ROBO2: variants seen among roughly 807,000 people sequenced by gnomAD.
The protein encoded by ROBO2 is roundabout guidance receptor 2.
Under a neutral mutation model 160.8 loss-of-function variants are expected in ROBO2, and 53 were observed. The ratio of observed to expected loss-of-function variants is 0.33; its 90% CI spans 0.26 to 0.41. The LOEUF (loss-of-function observed/expected upper bound fraction) is 0.41. Among genes scored for constraint, ROBO2 ranks in the 10% least tolerant of loss-of-function variants. ROBO2 has a pLI of 1.00. For missense variants in ROBO2, 1,577 were observed against 1,722.4 expected (o/e 0.92, Z 1.49); for synonymous variants, 664 against 611.7 (o/e 1.09, Z -1.26).
chr3:76,899,599 T>A (rs1293369735), intron 2 of ROBO2, among the ~76,000 whole-genome samples: 5 of 152,162 alleles, frequency 3.3e-5, no homozygotes, highest in African/African-American at 9.7e-5. Context: ...TATGGACTTG[T>A]CGTCTATTTA....
At chr3:76,060,985 C>T (rs1448188738) in intron 2 of ROBO2, among the ~76,000 whole-genome samples, 1 of 152,116 alleles carries the variant, frequency 6.6e-6, no homozygotes, top group Non-Finnish European at 1.5e-5. Context: ...TACAGTTTCA[C>T]CCCAAGAACA....
At chr3:77,342,368 G>C (rs1458625818) in intron 2 of ROBO2, among the ~76,000 whole-genome samples, 1 of 152,130 alleles carries the variant, frequency 6.6e-6, no homozygotes, top group Non-Finnish European at 1.5e-5. Flanking sequence ...TGGATTGAAA[G>C]TGCAGTGTGG....
At chr3:77,245,952 A>G (rs1451996718) in intron 2 of ROBO2, among the ~76,000 whole-genome samples, 1 of 152,236 alleles carries the variant, frequency 6.6e-6, no homozygotes, top group Non-Finnish European at 1.5e-5. Flanking sequence ...TATTGTAATA[A>G]CTAAGATAAG....
intron 2 of ROBO2, among the ~76,000 whole-genome samples, chr3:76,763,660 G>A (rs2608159): frequency 0.84 from 126,877 of 151,338 alleles, 53,279 homozygotes; most frequent in Admixed American, 0.86. Context: ...TCTCTACTAC[G>A]GCTTTGAAAG....
At chr3:76,230,335 T>C (rs1371051948) in intron 2 of ROBO2, among the ~76,000 whole-genome samples, 1 of 152,150 alleles carries the variant, frequency 6.6e-6, no homozygotes, top group Admixed American at 6.6e-5. Context: ...AAAATGGCTT[T>C]CCTTTACATA....
At chr3:77,224,784 AG>A (rs753865158) in intron 2 of ROBO2, among the ~76,000 whole-genome samples, 19 of 151,898 alleles carry the variant, frequency 1.3e-4, no homozygotes, top group Non-Finnish European at 1.9e-4. Flanking sequence ...GAATCTTGAT[AG>A]TTTGAATTTC....
At chr3:76,357,363 A>G (rs142290805) in intron 2 of ROBO2, among the ~76,000 whole-genome samples, 1 of 152,112 alleles carries the variant, frequency 6.6e-6, no homozygotes, top group East Asian at 1.9e-4. Context: ...CTACTCAGCA[A>G]TACAAAAGAA....
chr3:76,487,536 G>A (rs2079563801), intron 2 of ROBO2, among the ~76,000 whole-genome samples: 1 of 152,144 alleles, frequency 6.6e-6, no homozygotes, highest in African/African-American at 2.4e-5. Context: ...AGATTTTAAA[G>A]TAAGCCTAGT....
At chr3:76,151,614 G>A (rs1366464179) in intron 2 of ROBO2, among the ~76,000 whole-genome samples, 1 of 152,100 alleles carries the variant, frequency 6.6e-6, no homozygotes, top group Non-Finnish European at 1.5e-5. Context: ...GTTGAAAATT[G>A]TAAATCCCCC....
chr3:77,513,674 T>G (rs1450003725), intron 5 of ROBO2, among the ~76,000 whole-genome samples: 2 of 151,808 alleles, frequency 1.3e-5, no homozygotes, highest in Non-Finnish European at 1.5e-5. Flanking sequence ...GCTGAACAGA[T>G]GGTAATGATT....
At chr3:76,221,880 G>A (rs1703990968) in intron 2 of ROBO2, among the ~76,000 whole-genome samples, 1 of 152,100 alleles carries the variant, frequency 6.6e-6, no homozygotes, top group South Asian at 2.1e-4. Context: ...ACCCACGGAA[G>A]ACAAATCCAT....
At chr3:76,664,585 G>A (rs1021756564) in intron 2 of ROBO2, among the ~76,000 whole-genome samples, 9 of 152,094 alleles carry the variant, frequency 5.9e-5, no homozygotes, top group African/African-American at 1.7e-4. Context: ...TTTGTTATGC[G>A]TTTGGAAAAC....
intron 2 of ROBO2, among the ~76,000 whole-genome samples, chr3:76,957,640 G>T (rs2079363984): frequency 6.6e-6 from 1 of 151,882 alleles, no homozygotes; most frequent in South Asian, 2.1e-4. Flanking sequence ...AGACCAACCT[G>T]ACCAACATGA....
chr3:76,252,462 A>T (rs902237881), intron 2 of ROBO2, among the ~76,000 whole-genome samples: 1 of 152,080 alleles, frequency 6.6e-6, no homozygotes, highest in African/African-American at 2.4e-5. Context: ...GTTTTAACAT[A>T]CTAGCAATAT....
intron 2 of ROBO2, among the ~76,000 whole-genome samples, chr3:76,008,150 G>A (rs1173913428): frequency 7.1e-6 from 1 of 140,288 alleles, no homozygotes; most frequent in Non-Finnish European, 1.5e-5. Context: ...TAGGAGAATT[G>A]CTCGAACCTG....
At chr3:76,178,593 TA>T (rs200008224) in intron 2 of ROBO2, among the ~76,000 whole-genome samples, 4,917 of 152,242 alleles carry the variant, frequency 0.032, 89 homozygotes, top group African/African-American at 0.055. Flanking sequence ...ATAATTATCA[TA>T]GGCAATAATG....
intron 6 of ROBO2, among the ~76,000 whole-genome samples, chr3:77,538,360 G>A (rs1272035359): frequency 2.6e-5 from 4 of 151,722 alleles, no homozygotes; most frequent in African/African-American, 9.7e-5. Flanking sequence ...TGTATTTTTA[G>A]TAGAGACGGG....
chr3:76,294,086 C>A (rs1230713849), intron 2 of ROBO2, among the ~76,000 whole-genome samples: 3 of 152,202 alleles, frequency 2.0e-5, no homozygotes, highest in Non-Finnish European at 4.4e-5. Flanking sequence ...GCACACCCAG[C>A]TGGGTTGTGA....
At chr3:77,434,300 G>A (rs2153544985) in intron 2 of ROBO2, among the ~76,000 whole-genome samples, 1 of 152,104 alleles carries the variant, frequency 6.6e-6, no homozygotes, top group Admixed American at 6.6e-5. Flanking sequence ...AGAATGATCA[G>A]ACTAGGTGAG....
Sources: gnomAD v4.1 joint callset for allele counts (sites outside exome capture counted in the v4.1 genomes callset) on GRCh38, gnomAD v4.1.1 for gene constraint, MANE v1.5 for transcripts, NCBI Gene and HGNC (gene_info 2026-07-23, HGNC 2026-07-21) for gene names.